Variants in SLC45A4 observed in about 807,000 individuals in gnomAD.
The protein encoded by SLC45A4 is polyamine-transporter SLC45A4.
Under a neutral mutation model 63.7 loss-of-function variants are expected in SLC45A4, and 32 were observed. That is an observed-to-expected ratio of 0.50 (90% CI 0.38 to 0.67). SLC45A4 has a LOEUF of 0.67. SLC45A4 is among the 30% of genes least tolerant of loss of function. The pLI, the probability that SLC45A4 is intolerant of heterozygous loss-of-function variation, is 0.00. For synonymous variants in SLC45A4, 535 were observed against 510.0 expected (o/e 1.05, Z -0.66); for missense variants, 1,027 against 1,157.7 (o/e 0.89, Z 1.64).
rs1826641502 is a variant in SLC45A4 at position 141,221,644 on chromosome 8, G to A, written c.363C>T (p.Pro121=). The A allele has an allele frequency of 1.2e-6, 2 of 1,614,062 alleles. No homozygotes were observed. Among genetic ancestry groups the A allele is most frequent in the South Asian group, 1.1e-5 (1 of 91,082 alleles). Residue 121 remains proline, a synonymous_variant, in exon 3 of 9, where the codon CCC becomes CCT. Transcript: ENST00000517878. ...RCTLSWGRRR[P]FILALCVGVL... ...CGCCAACGCAGAGGGCGAGGATGAA[G>A]GGCCGCCGGCGGCCCCAGCTCAGGG...
intron 2 of SLC45A4, among the ~76,000 whole-genome samples, chr8:141,250,780 A>G (rs1179388400): frequency 2.6e-5 from 4 of 152,178 alleles, no homozygotes; most frequent in Non-Finnish European, 5.9e-5. Flanking sequence ...GGTATTTTCA[A>G]CGATGGGTTT....
chr8:141,228,495 G>T, intron 2 of SLC45A4: 3 of 1,324,440 alleles, frequency 2.3e-6, no homozygotes, highest in Non-Finnish European at 2.9e-6. Context: ...GTCTTCACTG[G>T]CAGGCACCTG....
intron 3 of SLC45A4, 40 bp downstream of exon 3, chr8:141,221,537 T>C (rs7004350): frequency 0.12 from 195,833 of 1,589,924 alleles, 13,113 homozygotes; most frequent in East Asian, 0.27. Flanking sequence ...CAGGACCCCG[T>C]CTGTGTTGTG....
rs1392472469 is a variant in SLC45A4 at position 141,256,232 on chromosome 8, G to A, written c.-400-1603C>T. Among the ~76,000 whole-genome samples, 1 of 152,214 alleles carries A rather than the reference G, an allele frequency of 6.6e-6. No homozygotes were observed. The highest frequency in any genetic ancestry group is 1.5e-5 in the Non-Finnish European group (1 of 68,036). On this transcript the variant is annotated intron_variant, in intron 1 of 8. Coordinates refer to ENST00000517878, the MANE Select transcript of SLC45A4 (RefSeq NM_001286646.2). This position sits in a 1 kb window ranked among gnomAD's most constrained non-coding sequence, Gnocchi z 4.3. ...CCCAAGTTCAGGACTTCTGGAGTTA[G>A]GTCTCCAGACATGGGGTTCGGTTCA...
In SLC45A4 at chr8:141,209,440, G is replaced by C. The variant is rs1825691642; in HGVS notation, c.*2132C>G. On this transcript the variant is annotated 3_prime_UTR_variant, in exon 9 of 9. Transcript: ENST00000517878. ...CCTGGTCCCCGCTGTGGCCAGGCCG[G>C]GCCCACACGCACCGCCAGAGCCCCG... 1 of 152,318 alleles carries C rather than the reference G, an allele frequency of 6.6e-6. No individual in the cohort carries two copies. The allele number at this position is 152,318 out of a possible 1,614,324, so 9.4% of individuals were successfully genotyped here. A position where few individuals can be genotyped will look rare whatever the true frequency, so the allele number is the denominator to read the frequency against.
At chr8:141,252,928 C>CGA (rs1196751225) in intron 2 of SLC45A4, among the ~76,000 whole-genome samples, 2 of 142,866 alleles carry the variant, frequency 1.4e-5, no homozygotes, top group East Asian at 2.2e-4. Flanking sequence ...TGCCCACCTG[C>CGA]GTGTCTGTGA....
chr8:141,214,094 G>C (rs1825990805), intron 7 of SLC45A4, among the ~76,000 whole-genome samples: 1 of 151,384 alleles, frequency 6.6e-6, no homozygotes, highest in South Asian at 2.1e-4. Flanking sequence ...TGTAGTTCCA[G>C]CTACTCGGGA....
At chr8:141,231,445 C>CT (rs1827343726) in intron 2 of SLC45A4, among the ~76,000 whole-genome samples, 1 of 152,236 alleles carries the variant, frequency 6.6e-6, no homozygotes, top group East Asian at 1.9e-4. Context: ...AGGTCAAAGG[C>CT]TTGGATCACA....
intron 1 of SLC45A4, among the ~76,000 whole-genome samples, chr8:141,267,572 A>G (rs1829325767): frequency 1.3e-5 from 2 of 152,252 alleles, no homozygotes; most frequent in African/African-American, 4.8e-5. Context: ...TTTGAGGCTT[A>G]AAGAGTAGCG....
intron 1 of SLC45A4, among the ~76,000 whole-genome samples, chr8:141,285,749 G>C (rs941892931): frequency 6.6e-6 from 1 of 152,202 alleles, no homozygotes; most frequent in African/African-American, 2.4e-5. Context: ...GCAGGGGTCT[G>C]CAAACGCCCC....
intron 3 of SLC45A4, among the ~76,000 whole-genome samples, chr8:141,220,856 G>A (rs1460762987): frequency 6.6e-6 from 1 of 152,260 alleles, no homozygotes; most frequent in African/African-American, 2.4e-5. Context: ...CGAGGGACAC[G>A]GACAGGCAGG....
At chr8:141,283,827 C>A (rs1424588913) in intron 1 of SLC45A4, among the ~76,000 whole-genome samples, 1 of 152,190 alleles carries the variant, frequency 6.6e-6, no homozygotes, top group Non-Finnish European at 1.5e-5. Context: ...GATGGCTGGA[C>A]ATTTGAAAAC....
chr8:141,288,292 A>C (rs892633259), intron 1 of SLC45A4, among the ~76,000 whole-genome samples: 1 of 152,208 alleles, frequency 6.6e-6, no homozygotes, highest in Non-Finnish European at 1.5e-5. Context: ...CTCAGTGCAA[A>C]ACACACAAAC....
chr8:141,284,183 G>C (rs1830059073), intron 1 of SLC45A4, among the ~76,000 whole-genome samples: 1 of 152,220 alleles, frequency 6.6e-6, no homozygotes, highest in African/African-American at 2.4e-5. Flanking sequence ...CGTTCATCTA[G>C]GTCAACTGTC....
intron 3 of SLC45A4, 46 bp downstream of exon 3, chr8:141,221,531 A>C: frequency 6.3e-7 from 1 of 1,577,020 alleles, no homozygotes; most frequent in Non-Finnish European, 8.6e-7. Flanking sequence ...CAGGGCCAGG[A>C]CCCCGTCTGT....
chr8:141,275,374 A>C (rs866263409), intron 1 of SLC45A4, among the ~76,000 whole-genome samples: 15 of 152,212 alleles, frequency 9.9e-5, no homozygotes, highest in African/African-American at 3.6e-4. Flanking sequence ...ATGTATCAAA[A>C]ACCTTAAAAT....
At chr8:141,266,709 A>G (rs1477960773) in intron 1 of SLC45A4, among the ~76,000 whole-genome samples, 1 of 152,136 alleles carries the variant, frequency 6.6e-6, no homozygotes, top group Admixed American at 6.5e-5. Context: ...AGTCCTTAAA[A>G]CTCAACGAAA....
At chr8:141,252,244 T>G (rs1448526464) in intron 2 of SLC45A4, 1 of 152,124 alleles carries the variant, frequency 6.6e-6, no homozygotes, top group East Asian at 1.9e-4. Context: ...ACAAAATTTT[T>G]AGGGCCCAAG....
intron 1 of SLC45A4, among the ~76,000 whole-genome samples, chr8:141,285,400 C>A (rs953737270): frequency 2.0e-5 from 3 of 152,228 alleles, no homozygotes; most frequent in African/African-American, 7.2e-5. Context: ...ACGGGTTCGA[C>A]CTTCACTAAA....
Sources: gnomAD v4.1 joint callset for allele counts (sites outside exome capture counted in the v4.1 genomes callset) on GRCh38, gnomAD v4.1.1 for gene constraint, Gnocchi (gnomAD v3.1) non-coding constraint, MANE v1.5 for transcripts, NCBI Gene and HGNC (gene_info 2026-07-23, HGNC 2026-07-21) for gene names.